The following GPC5 variants were observed in gnomAD, a reference collection of about 807,000 sequenced individuals.
GPC5 encodes the protein glypican-5.
In GPC5, 47 loss-of-function variants were observed where a neutral mutation model predicts 53.9. That is an observed-to-expected ratio of 0.87 (90% CI 0.69 to 1.11). The LOEUF is 1.11. Among genes scored for constraint, GPC5 ranks in the 50% most tolerant of loss-of-function variants. GPC5 has a pLI of 0.00. For synonymous variants in GPC5, 286 were observed against 263.3 expected (o/e 1.09, Z -0.84); for missense variants, 748 against 713.1 (o/e 1.05, Z -0.56).
At position 91,498,239 on chromosome 13, in the gene GPC5, A is replaced by ATTT. The variant is rs60732957; in HGVS notation, c.325+49335_325+49337dup. Among the ~76,000 whole-genome samples, 622 of 110,212 alleles carry ATTT rather than the reference A, an allele frequency of 5.6e-3. 9 individuals are homozygous for ATTT. The highest frequency in any genetic ancestry group is 9.4e-3 in the Admixed American group (91 of 9,678). 72.3% of individuals were successfully genotyped at this position (110,212 alleles called of 152,430 possible). The stretch of plus-strand genomic sequence containing the variant: ...TCTTTTCAGAAATCTCTACCCAAAG[A>ATTT]TTTTTTTTTTTTTTTTTTTTGCTTA... On this transcript the variant is annotated intron_variant, in intron 2 of 7. Coordinates refer to ENST00000377067, the MANE Select transcript of GPC5 (RefSeq NM_004466.6).
chr13:92,773,582 A>G (rs1349201731), intron 7 of GPC5, among the ~76,000 whole-genome samples: 1 of 152,216 alleles, frequency 6.6e-6, no homozygotes, highest in Non-Finnish European at 1.5e-5. Context: ...TATTTTTCAG[A>G]AAAACAATAT....
chr13:92,520,544 A>C (rs1244501632), intron 7 of GPC5, among the ~76,000 whole-genome samples: 3 of 152,214 alleles, frequency 2.0e-5, no homozygotes, highest in African/African-American at 7.2e-5. Flanking sequence ...TGATTGTCTC[A>C]ATAGATGCAG....
At chr13:92,384,251 TGCAAATACA>T (rs1440835396) in intron 7 of GPC5, among the ~76,000 whole-genome samples, 1 of 152,122 alleles carries the variant, frequency 6.6e-6, no homozygotes, top group Non-Finnish European at 1.5e-5. Flanking sequence ...TGGATGATTT[TGCAAATACA>T]GCATTTGTGC....
chr13:92,656,020 T>C (rs1165983412), intron 7 of GPC5, among the ~76,000 whole-genome samples: 1 of 152,078 alleles, frequency 6.6e-6, no homozygotes, highest in Non-Finnish European at 1.5e-5. Context: ...AGTATAACTG[T>C]AATATACAAT....
chr13:92,132,979 A>G (rs1205660173), intron 6 of GPC5, among the ~76,000 whole-genome samples: 1 of 152,138 alleles, frequency 6.6e-6, no homozygotes, highest in Non-Finnish European at 1.5e-5. Context: ...AAGACACATA[A>G]GAAATTTTAA....
At chr13:92,525,506 A>G (rs1386506444) in intron 7 of GPC5, among the ~76,000 whole-genome samples, 1 of 149,598 alleles carries the variant, frequency 6.7e-6, no homozygotes, top group African/African-American at 2.5e-5. Flanking sequence ...CTTAGAAGAT[A>G]CTTTGGGTGA....
chr13:92,617,403 T>C (rs575104686), intron 7 of GPC5, among the ~76,000 whole-genome samples: 3 of 152,188 alleles, frequency 2.0e-5, no homozygotes, highest in East Asian at 3.8e-4. Context: ...CATTTTACTA[T>C]AGATTTCTGC....
At chr13:92,756,988 G>C (rs1320894114) in intron 7 of GPC5, among the ~76,000 whole-genome samples, 1 of 151,866 alleles carries the variant, frequency 6.6e-6, no homozygotes, top group East Asian at 1.9e-4. Flanking sequence ...CTATTTTAAA[G>C]TTCATATGGA....
intron 7 of GPC5, among the ~76,000 whole-genome samples, chr13:92,198,881 T>C (rs2042275257): frequency 6.6e-6 from 1 of 152,192 alleles, no homozygotes; most frequent in African/African-American, 2.4e-5. Flanking sequence ...AACCAGGTCT[T>C]ATTCCATTAA....
At chr13:92,439,724 A>C (rs1490693909) in intron 7 of GPC5, among the ~76,000 whole-genome samples, 1 of 152,176 alleles carries the variant, frequency 6.6e-6, no homozygotes, top group African/African-American at 2.4e-5. Context: ...GGGTCTATAT[A>C]ATGTATTTAA....
intron 2 of GPC5, among the ~76,000 whole-genome samples, chr13:91,602,603 A>G (rs1467842959): frequency 1.3e-5 from 2 of 152,188 alleles, no homozygotes; most frequent in African/African-American, 2.4e-5. Flanking sequence ...TGTTTATAGC[A>G]TTTGTATTAT....
chr13:92,093,072 C>A (rs12428885), intron 6 of GPC5, among the ~76,000 whole-genome samples: 1 of 152,102 alleles, frequency 6.6e-6, no homozygotes, highest in Admixed American at 6.5e-5. Context: ...GGCTCAGAAA[C>A]CCCATACAAT....
chr13:92,115,793 G>C (rs1379507763), intron 6 of GPC5, among the ~76,000 whole-genome samples: 2 of 152,128 alleles, frequency 1.3e-5, no homozygotes, highest in Non-Finnish European at 2.9e-5. Flanking sequence ...GCTATGGGCT[G>C]ATTGTGGTGC....
chr13:92,855,494 A>T (rs1878968083), intron 7 of GPC5, among the ~76,000 whole-genome samples: 1 of 152,046 alleles, frequency 6.6e-6, no homozygotes, highest in Non-Finnish European at 1.5e-5. Context: ...TTCAGCCAAC[A>T]TTAATAGACA....
chr13:92,406,736 A>G (rs923502015), intron 7 of GPC5, among the ~76,000 whole-genome samples: 4 of 152,220 alleles, frequency 2.6e-5, no homozygotes, highest in African/African-American at 9.7e-5. Context: ...GTATCTCAAT[A>G]ATTCTCACTA....
intron 7 of GPC5, among the ~76,000 whole-genome samples, chr13:92,492,522 A>G (rs1879806759): frequency 6.6e-6 from 1 of 152,070 alleles, no homozygotes; most frequent in South Asian, 2.1e-4. Flanking sequence ...GAAAATACAG[A>G]ATCAAGAAAT....
intron 7 of GPC5, among the ~76,000 whole-genome samples, chr13:92,489,438 C>T (rs917689318): frequency 8.6e-5 from 13 of 152,034 alleles, no homozygotes; most frequent in African/African-American, 3.1e-4. Flanking sequence ...TGATGAGACA[C>T]GTGGAGAAGA....
At chr13:92,256,205 T>C (rs1204666479) in intron 7 of GPC5, among the ~76,000 whole-genome samples, 1 of 151,826 alleles carries the variant, frequency 6.6e-6, no homozygotes, top group Non-Finnish European at 1.5e-5. Flanking sequence ...TGTAGTATAA[T>C]TACTGACACA....
At chr13:92,785,702 G>A (rs1594506037) in intron 7 of GPC5, among the ~76,000 whole-genome samples, 1 of 152,182 alleles carries the variant, frequency 6.6e-6, no homozygotes, top group African/African-American at 2.4e-5. Context: ...CCAGGACAGC[G>A]TCTAGGATAT....
Sources: allele counts gnomAD v4.1 joint callset (sites outside exome capture counted in the v4.1 genomes callset), GRCh38; gene constraint gnomAD v4.1.1; transcripts MANE v1.5; gene names NCBI Gene and HGNC (gene_info 2026-07-23, HGNC 2026-07-21).